CDH18: variants seen among roughly 807,000 people sequenced by gnomAD.
The protein encoded by CDH18 is cadherin 18, also known as cadherin-18.
Under a neutral mutation model 67.9 loss-of-function variants are expected in CDH18, and 31 were observed. The observed-to-expected ratio is 0.46, with a 90% CI of 0.34 to 0.62. The LOEUF is 0.62. Ranked by LOEUF, CDH18 falls within the 20% of genes least tolerant of loss-of-function variation. The pLI is 0.01. For synonymous variants in CDH18, 362 were observed against 347.2 expected (o/e 1.04, Z -0.48); for missense variants, 890 against 975.5 (o/e 0.91, Z 1.17).
At chr5:19,975,208 C>A (rs964456046) in intron 2 of CDH18, among the ~76,000 whole-genome samples, 1 of 152,012 alleles carries the variant, frequency 6.6e-6, no homozygotes, top group Non-Finnish European at 1.5e-5. Flanking sequence ...TAAATAATTT[C>A]TATGATTTTT....
chr5:19,851,523 T>C (rs902802936), intron 2 of CDH18, among the ~76,000 whole-genome samples: 1 of 150,374 alleles, frequency 6.7e-6, no homozygotes, highest in Non-Finnish European at 1.5e-5. Flanking sequence ...AATAAAATAA[T>C]TAACAGTTGT....
chr5:19,728,716 G>T (rs1280206663), intron 4 of CDH18, among the ~76,000 whole-genome samples: 2 of 152,090 alleles, frequency 1.3e-5, no homozygotes, highest in African/African-American at 4.8e-5. Flanking sequence ...GACTTGTCAG[G>T]GTTAACAGCT....
chr5:19,835,875 G>C (rs1206138812), intron 3 of CDH18, among the ~76,000 whole-genome samples: 2 of 152,066 alleles, frequency 1.3e-5, no homozygotes, highest in African/African-American at 4.8e-5. Context: ...ATAGACAACA[G>C]TTTCACAGAA....
chr5:19,614,871 G>A (rs1444604962), intron 5 of CDH18, among the ~76,000 whole-genome samples: 1 of 152,134 alleles, frequency 6.6e-6, no homozygotes, highest in East Asian at 1.9e-4. Flanking sequence ...CTCTTGGCTG[G>A]GCGCGGCGGC....
chr5:20,356,255 T>G (rs1348821204), intron 1 of CDH18, among the ~76,000 whole-genome samples: 2 of 152,096 alleles, frequency 1.3e-5, no homozygotes, highest in South Asian at 4.1e-4. Flanking sequence ...TGGTGGCAGG[T>G]GCCTGCAATC....
intron 10 of CDH18, among the ~76,000 whole-genome samples, chr5:19,516,063 C>T (rs1432541086): frequency 2.0e-5 from 3 of 151,776 alleles, no homozygotes; most frequent in African/African-American, 7.3e-5. Context: ...GCATGAAGGG[C>T]TGTTGAATTT....
At chr5:20,060,157 C>CA (rs774982898) in intron 2 of CDH18, among the ~76,000 whole-genome samples, 121 of 151,788 alleles carry the variant, frequency 8.0e-4, no homozygotes, top group Non-Finnish European at 1.6e-3. Flanking sequence ...TATCATGAAC[C>CA]AAAAAATCAC....
chr5:19,666,225 G>A lies in CDH18; in HGVS notation c.644-53624C>T, dbSNP rs569689908. Reference sequence around the variant, plus strand: ...GCTGAAACCACAGTCATGTCCCCACGCCTGTATGATTTTTATTATTATTAT... The same window carrying A: ...GCTGAAACCACAGTCATGTCCCCACACCTGTATGATTTTTATTATTATTAT... On this transcript the variant is annotated intron_variant, in intron 5 of 12. Transcript: ENST00000382275. Among the ~76,000 whole-genome samples the A allele has an allele frequency of 1.8e-4, 26 of 143,202 alleles. 1 individual carries two copies. Among genetic ancestry groups the A allele is most frequent in the Admixed American group, 1.7e-3 (23 of 13,936 alleles). The allele number at this position is 143,202 out of a possible 152,430, so 93.9% of individuals were successfully genotyped here.
intron 2 of CDH18, among the ~76,000 whole-genome samples, chr5:20,249,662 G>A (rs1743676742): frequency 6.6e-6 from 1 of 151,992 alleles, no homozygotes; most frequent in Non-Finnish European, 1.5e-5. Flanking sequence ...TAGCCACCGC[G>A]CCCGGCCTAT....
chr5:19,537,539 C>T (rs1749617377), intron 9 of CDH18, among the ~76,000 whole-genome samples: 1 of 152,114 alleles, frequency 6.6e-6, no homozygotes, highest in South Asian at 2.1e-4. Context: ...AATTCAGACA[C>T]ATTTGGAATC....
At chr5:19,792,860 CT>C (rs367791339) in intron 3 of CDH18, among the ~76,000 whole-genome samples, 2 of 152,222 alleles carry the variant, frequency 1.3e-5, no homozygotes, top group East Asian at 3.9e-4. Context: ...TATGGTAGAA[CT>C]TTACTTCTAC....
chr5:20,179,830 G>T (rs1737542768), intron 2 of CDH18, among the ~76,000 whole-genome samples: 1 of 152,070 alleles, frequency 6.6e-6, no homozygotes, highest in Non-Finnish European at 1.5e-5. Flanking sequence ...GACAGGCAGG[G>T]TCTCCATTTC....
chr5:20,540,408 A>G (rs916419314), intron 1 of CDH18, among the ~76,000 whole-genome samples: 20 of 152,216 alleles, frequency 1.3e-4, no homozygotes, highest in African/African-American at 4.6e-4. Context: ...TGTGATAATT[A>G]TAACAATGAA....
intron 1 of CDH18, among the ~76,000 whole-genome samples, chr5:20,545,904 C>T (rs970754110): frequency 6.6e-6 from 1 of 152,170 alleles, no homozygotes; most frequent in Non-Finnish European, 1.5e-5. Flanking sequence ...TGCTCTGCTT[C>T]CCTTTTAAAT....
chr5:20,564,180 G>A (rs1436847308), intron 1 of CDH18, among the ~76,000 whole-genome samples: 2 of 151,674 alleles, frequency 1.3e-5, no homozygotes, highest in Non-Finnish European at 2.9e-5. Flanking sequence ...TTTCAGCCAT[G>A]GTGAACAACA....
intron 3 of CDH18, among the ~76,000 whole-genome samples, chr5:19,755,462 C>T (rs112261867): frequency 0.12 from 9,332 of 78,904 alleles, 2,093 homozygotes; most frequent in East Asian, 0.33. Flanking sequence ...TATATATACA[C>T]ACACACACAC....
At chr5:19,567,232 C>T (rs145808241) in intron 8 of CDH18, among the ~76,000 whole-genome samples, 4 of 152,162 alleles carry the variant, frequency 2.6e-5, no homozygotes, top group African/African-American at 9.6e-5. Flanking sequence ...TATATTGCTG[C>T]AAATTACACA....
chr5:20,493,902 A>G lies in CDH18; in HGVS notation c.-580+81560T>C, dbSNP rs544967740. Among the ~76,000 whole-genome samples the G allele has an allele frequency of 3.9e-5, 6 of 152,116 alleles. No homozygotes were observed. In the South Asian group the frequency reaches 1.2e-3, roughly 32 times the overall value. ...TCCATTTCCATACTCAGTCTCCCAC[A>G]TGAGAAAAACCCTCTGTTAAGAAAA... On this transcript the variant is annotated intron_variant, in intron 1 of 14. Transcript: ENST00000507958.
intron 2 of CDH18, among the ~76,000 whole-genome samples, chr5:20,041,124 A>T (rs1369759): frequency 0.76 from 114,846 of 152,092 alleles, 46,384 homozygotes; most frequent in Non-Finnish European, 0.9. Context: ...CTCTAGCAAC[A>T]TGATTCTAGA....
Sources: gnomAD v4.1 joint callset for allele counts (sites outside exome capture counted in the v4.1 genomes callset) on GRCh38, gnomAD v4.1.1 for gene constraint, MANE v1.5 for transcripts, NCBI Gene and HGNC (gene_info 2026-07-23, HGNC 2026-07-21) for gene names.